Variants in VRTN observed in about 807,000 individuals in gnomAD.
VRTN encodes the protein vertnin.
A neutral mutation model predicts 18.2 loss-of-function variants in VRTN; 5 were observed. That is an observed-to-expected ratio of 0.27 (90% confidence interval 0.14 to 0.58). The LOEUF is 0.58. Ranked by LOEUF, VRTN falls within the 20% of genes least tolerant of loss-of-function variation. The pLI is 0.91. For synonymous variants in VRTN, 381 were observed against 393.7 expected (o/e 0.97, Z 0.38); for missense variants, 741 against 939.4 (o/e 0.79, Z 2.76).
At chr14:74,320,452 C>T (rs1423237516) in intron 1 of VRTN, among the ~76,000 whole-genome samples, 20 of 148,238 alleles carry the variant, frequency 1.3e-4, no homozygotes, top group Admixed American at 3.4e-4. Context: ...TTAGTAGAGA[C>T]GGGGTTTTAC....
intron 1 of VRTN, among the ~76,000 whole-genome samples, chr14:74,307,549 A>G (rs915119715): frequency 6.6e-6 from 1 of 152,142 alleles, no homozygotes; most frequent in African/African-American, 2.4e-5. Context: ...ATTGCATTGA[A>G]CAAAAAAAGT....
chr14:74,307,137 C>CTTTTTTTTTT (rs56345315), intron 1 of VRTN, among the ~76,000 whole-genome samples: 14 of 87,746 alleles, frequency 1.6e-4, no homozygotes, highest in South Asian at 4.5e-4. Context: ...TGTTGTGGCC[C>CTTTTTTTTTT]TTTTTTTTTT....
chr14:74,333,993 A>T (rs1421425735), intron 1 of VRTN, among the ~76,000 whole-genome samples: 1 of 152,200 alleles, frequency 6.6e-6, no homozygotes, highest in Non-Finnish European at 1.5e-5. Flanking sequence ...CTACAGTTAC[A>T]ATCACCATTT....
intron 1 of VRTN, among the ~76,000 whole-genome samples, chr14:74,304,268 T>G (rs2085270569): frequency 6.6e-6 from 1 of 152,060 alleles, no homozygotes; most frequent in African/African-American, 2.4e-5. Flanking sequence ...GCGATTCTCC[T>G]GCCTCAGCCT....
chr14:74,306,836 G>C (rs760599907), intron 1 of VRTN, among the ~76,000 whole-genome samples: 8 of 151,640 alleles, frequency 5.3e-5, no homozygotes, highest in Middle Eastern at 3.4e-3. Context: ...GAACTCCTGA[G>C]CTCAAGCGAT....
At chr14:74,318,631 C>T (rs189161160) in intron 1 of VRTN, among the ~76,000 whole-genome samples, 2 of 150,436 alleles carry the variant, frequency 1.3e-5, no homozygotes, top group South Asian at 2.1e-4. Flanking sequence ...AGGCTGGTCT[C>T]GGACTCCTGA....
intron 1 of VRTN, among the ~76,000 whole-genome samples, chr14:74,303,462 A>G (rs993019494): frequency 1.3e-5 from 2 of 152,132 alleles, no homozygotes; most frequent in Non-Finnish European, 2.9e-5. Flanking sequence ...GAGGCAGGAG[A>G]ATCACTTGGG....
intron 2 of VRTN, among the ~76,000 whole-genome samples, chr14:74,339,478 GA>G (rs2085586355): frequency 6.6e-6 from 1 of 152,032 alleles, no homozygotes; most frequent in African/African-American, 2.4e-5. Context: ...AAGGGTGGAG[GA>G]GGGGGAGAGA....
intron 1 of VRTN, among the ~76,000 whole-genome samples, chr14:74,327,378 C>A (rs927924699): frequency 3.3e-5 from 5 of 152,154 alleles, no homozygotes; most frequent in African/African-American, 1.2e-4. Context: ...TTGCACAGTT[C>A]CGCAGTCTGC....
At chr14:74,331,592 A>G (rs1166478051) in intron 1 of VRTN, among the ~76,000 whole-genome samples, 3 of 128,438 alleles carry the variant, frequency 2.3e-5, no homozygotes, top group Non-Finnish European at 5.1e-5. Context: ...ATATATATAC[A>G]AAAAAGAAAA....
chr14:74,326,595 T>G (rs894091130), intron 1 of VRTN, among the ~76,000 whole-genome samples: 1 of 152,130 alleles, frequency 6.6e-6, no homozygotes, highest in African/African-American at 2.4e-5. Context: ...GGGGCTCCAA[T>G]GAATGGACAA....
In VRTN at chr14:74,328,855, C is replaced by G. The variant is rs577274247; in HGVS notation, c.-163-8868C>G. Among the ~76,000 whole-genome samples, 5 of 152,150 alleles carry G rather than the reference C, an allele frequency of 3.3e-5. No individual in the cohort carries two copies. In the South Asian group the frequency reaches 1.0e-3, roughly 32 times the overall value. On this transcript the variant is annotated intron_variant, in intron 1 of 2. Coordinates refer to the VRTN transcript ENST00000557177. Reference sequence around the variant, plus strand: ...TCTACTAAAAATACAAAAATTGGGGCTGGGTGCAGTGGCTCACGCCTGTAA... The same window carrying G: ...TCTACTAAAAATACAAAAATTGGGGGTGGGTGCAGTGGCTCACGCCTGTAA...
intron 1 of VRTN, among the ~76,000 whole-genome samples, chr14:74,314,751 GT>G (rs1187104866): frequency 1.3e-5 from 2 of 152,120 alleles, no homozygotes; most frequent in Non-Finnish European, 2.9e-5. Flanking sequence ...TGACAGCTGT[GT>G]TGAAATGTGA....
intron 1 of VRTN, among the ~76,000 whole-genome samples, chr14:74,355,832 TC>T (rs2085723230): frequency 1.3e-5 from 2 of 149,828 alleles, no homozygotes; most frequent in African/African-American, 4.9e-5. Context: ...CTGGCCTCTC[TC>T]TTTTTTTTTT....
intron 1 of VRTN, among the ~76,000 whole-genome samples, chr14:74,311,013 T>C (rs1252323939): frequency 6.6e-6 from 1 of 152,030 alleles, no homozygotes; most frequent in Non-Finnish European, 1.5e-5. Context: ...AATCTGTAAA[T>C]GAGGGTAATA....
chr14:74,349,353 G>A (rs2085668387), intron 1 of VRTN, among the ~76,000 whole-genome samples: 2 of 152,214 alleles, frequency 1.3e-5, no homozygotes, highest in Non-Finnish European at 2.9e-5. Context: ...AGCCTGTGCA[G>A]TCGGGCTGGT....
At chr14:74,339,507 A>G (rs940503558) in intron 2 of VRTN, among the ~76,000 whole-genome samples, 3 of 152,098 alleles carry the variant, frequency 2.0e-5, no homozygotes, top group Non-Finnish European at 4.4e-5. Context: ...AGGAGAAAGA[A>G]AGAACAAAAG....
Position 74,318,196 on chromosome 14 carries a change from C to T in VRTN, c.-164+15020C>T, listed in dbSNP as rs182111367. 2.9e-3 allele frequency among the ~76,000 whole-genome samples: 442 copies of T among 152,046 alleles called. 4 individuals carry two copies. Among genetic ancestry groups the T allele is most frequent in the African/African-American group, 0.01 (417 of 41,472 alleles). On this transcript the variant is annotated intron_variant, in intron 1 of 2. Transcript: ENST00000557177. ...TCGGCTCACTGCCATCTCCACCTCC[C>T]AGGTTCAAGGGATTCTCCTGCCTCA... is the stretch of plus-strand genomic sequence containing the variant.
intron 1 of VRTN, among the ~76,000 whole-genome samples, chr14:74,335,986 C>G (rs1327873473): frequency 6.6e-6 from 1 of 151,804 alleles, no homozygotes; most frequent in Non-Finnish European, 1.5e-5. Flanking sequence ...AGTGATCTGC[C>G]TGCCTCGGCT....
Sources: gnomAD v4.1 joint callset for allele counts (sites outside exome capture counted in the v4.1 genomes callset) on GRCh38, gnomAD v4.1.1 for gene constraint, MANE v1.5 for transcripts, NCBI Gene and HGNC (gene_info 2026-07-23, HGNC 2026-07-21) for gene names.